The following ROR1 variants were observed in gnomAD, a reference collection of about 807,000 sequenced individuals.
ROR1 encodes ROR family WNT receptor 1.
Under a neutral mutation model 78.8 loss-of-function variants are expected in ROR1, and 19 were observed. That is an observed-to-expected ratio of 0.24 (90% CI 0.17 to 0.35). ROR1 has a LOEUF of 0.35. Ranked by LOEUF, ROR1 falls within the 10% of genes least tolerant of loss-of-function variation. The pLI, the probability that ROR1 is intolerant of heterozygous loss-of-function variation, is 1.00. For missense variants in ROR1, 917 were observed against 1,177.8 expected (o/e 0.78, Z 3.24); for synonymous variants, 386 against 433.6 (o/e 0.89, Z 1.36).
chr1:63,881,633 C>T (rs1215005981), intron 1 of ROR1, among the ~76,000 whole-genome samples: 3 of 152,126 alleles, frequency 2.0e-5, no homozygotes, highest in Non-Finnish European at 2.9e-5. Context: ...CTTATATGAG[C>T]ATGGGAAAAT....
At chr1:63,899,186 A>T (rs973919713) in intron 1 of ROR1, among the ~76,000 whole-genome samples, 1 of 152,098 alleles carries the variant, frequency 6.6e-6, no homozygotes, top group Non-Finnish European at 1.5e-5. Context: ...TGCCTTCCTC[A>T]TCAGTCTCTT....
chr1:63,821,624 A>T (rs978531569), intron 1 of ROR1, among the ~76,000 whole-genome samples: 5 of 152,218 alleles, frequency 3.3e-5, no homozygotes, highest in African/African-American at 1.2e-4. Flanking sequence ...GGCTTACCTC[A>T]GCAGGGAGCC....
At chr1:64,035,386 T>C (rs897656901) in intron 2 of ROR1, among the ~76,000 whole-genome samples, 1 of 152,208 alleles carries the variant, frequency 6.6e-6, no homozygotes, top group East Asian at 1.9e-4. Context: ...TCTTGGACTT[T>C]ATATGCGATA....
chr1:63,779,375 C>T (rs905636804), intron 1 of ROR1, among the ~76,000 whole-genome samples: 3 of 152,182 alleles, frequency 2.0e-5, no homozygotes, highest in Non-Finnish European at 4.4e-5. Flanking sequence ...CCAGCTCCAG[C>T]TGAGAAACAC....
intron 1 of ROR1, among the ~76,000 whole-genome samples, chr1:63,942,797 AT>A (rs538311724): frequency 7.4e-4 from 112 of 152,318 alleles, no homozygotes; most frequent in Non-Finnish European, 1.3e-3. Context: ...TGCAAAATAA[AT>A]GATAAAGTTG....
chr1:64,139,819 A>G (rs1009735221), intron 5 of ROR1, among the ~76,000 whole-genome samples: 3 of 152,248 alleles, frequency 2.0e-5, no homozygotes, highest in African/African-American at 7.2e-5. Context: ...ATTGCTTTGT[A>G]GTAAAAAATG....
At chr1:63,932,117 G>C (rs539829232) in intron 1 of ROR1, among the ~76,000 whole-genome samples, 1 of 152,162 alleles carries the variant, frequency 6.6e-6, no homozygotes, top group Non-Finnish European at 1.5e-5. Context: ...CTGGCACTGA[G>C]CCATCGAATA....
intron 1 of ROR1, among the ~76,000 whole-genome samples, chr1:63,923,953 C>A (rs1230003229): frequency 6.6e-6 from 1 of 151,966 alleles, no homozygotes. Flanking sequence ...GTCCCCTTTG[C>A]CTGGAATGCT....
chr1:63,790,348 G>T (rs1028985442), intron 1 of ROR1, among the ~76,000 whole-genome samples: 9 of 152,212 alleles, frequency 5.9e-5, no homozygotes, highest in African/African-American at 2.2e-4. Flanking sequence ...ATTTAAAAAC[G>T]CGTCTTCGAA....
At chr1:63,820,341 G>T (rs975013849) in intron 1 of ROR1, among the ~76,000 whole-genome samples, 3 of 152,156 alleles carry the variant, frequency 2.0e-5, no homozygotes, top group African/African-American at 7.2e-5. Context: ...CCCCTGTACT[G>T]CTGCAGGCCA....
At chr1:63,833,025 AAGT>A (rs1426767031) in intron 1 of ROR1, among the ~76,000 whole-genome samples, 1 of 152,182 alleles carries the variant, frequency 6.6e-6, no homozygotes, top group Non-Finnish European at 1.5e-5. Flanking sequence ...TTCCACAAGA[AAGT>A]AGTAGTGTGT....
intron 8 of ROR1, among the ~76,000 whole-genome samples, chr1:64,173,782 T>C (rs1569887663): frequency 6.6e-6 from 1 of 152,208 alleles, no homozygotes; most frequent in East Asian, 1.9e-4. Context: ...GCCAAGGTCC[T>C]GTCCACCTCT....
At chr1:64,101,756 G>A (rs2806544) in intron 4 of ROR1, among the ~76,000 whole-genome samples, 59,675 of 151,960 alleles carry the variant, frequency 0.39, 13,031 homozygotes, top group Non-Finnish European at 0.51. Flanking sequence ...CGATAAGGTG[G>A]CATTTGGGCA....
intron 1 of ROR1, among the ~76,000 whole-genome samples, chr1:63,958,965 T>C (rs1646005774): frequency 6.6e-6 from 1 of 152,140 alleles, no homozygotes; most frequent in African/African-American, 2.4e-5. Flanking sequence ...TAGAGATCTG[T>C]TAGTAAAGAA....
chr1:64,060,046 T>G (rs2100604016), intron 4 of ROR1, among the ~76,000 whole-genome samples: 1 of 152,264 alleles, frequency 6.6e-6, no homozygotes, highest in African/African-American at 2.4e-5. Flanking sequence ...TTATGACATA[T>G]GAGAAATCCT....
intron 2 of ROR1, among the ~76,000 whole-genome samples, chr1:64,011,366 G>A (rs561560216): frequency 1.1e-4 from 16 of 152,334 alleles, no homozygotes; most frequent in Middle Eastern, 6.8e-3. Context: ...TCTGTGCCAG[G>A]CACTGTGCTG....
intron 1 of ROR1, among the ~76,000 whole-genome samples, chr1:63,924,192 C>T (rs1035881835): frequency 2.0e-5 from 3 of 152,064 alleles, no homozygotes; most frequent in Non-Finnish European, 4.4e-5. Flanking sequence ...TAACACATTA[C>T]AGTGTTTTAA....
chr1:63,856,903 A>C (rs542818718), intron 1 of ROR1, among the ~76,000 whole-genome samples: 3 of 152,224 alleles, frequency 2.0e-5, no homozygotes, highest in Non-Finnish European at 2.9e-5. Context: ...CTGGTCTCTC[A>C]TCATACCTGT....
chr1:63,948,353 C>G (rs1347704344), intron 1 of ROR1, among the ~76,000 whole-genome samples: 2 of 142,016 alleles, frequency 1.4e-5, no homozygotes, highest in African/African-American at 5.3e-5. Flanking sequence ...TTTTTTTTTA[C>G]TGATTTACAA....
Sources: gnomAD v4.1 joint callset for allele counts (sites outside exome capture counted in the v4.1 genomes callset) on GRCh38, gnomAD v4.1.1 for gene constraint, MANE v1.5 for transcripts, NCBI Gene and HGNC (gene_info 2026-07-23, HGNC 2026-07-21) for gene names.